Variants in CPNE4 observed in about 807,000 individuals in gnomAD.
CPNE4 encodes copine-4.
A neutral mutation model predicts 67.9 loss-of-function variants in CPNE4; 25 were observed. The ratio of observed to expected loss-of-function variants is 0.37; its 90% CI spans 0.27 to 0.51. CPNE4 has a LOEUF of 0.51. Among genes scored for constraint, CPNE4 ranks in the 20% least tolerant of loss-of-function variants. The pLI is 0.93. For synonymous variants in CPNE4, 242 were observed against 244.9 expected (o/e 0.99, Z 0.11); for missense variants, 464 against 690.8 (o/e 0.67, Z 3.68).
chr3:131,973,569 A>C (rs1560710346), intron 1 of CPNE4, among the ~76,000 whole-genome samples: 1 of 152,218 alleles, frequency 6.6e-6, no homozygotes, highest in South Asian at 2.1e-4. Flanking sequence ...AGAATCAAAA[A>C]GTTTAAGTAA....
intron 2 of CPNE4, among the ~76,000 whole-genome samples, chr3:131,877,664 A>T (rs1173367762): frequency 6.6e-6 from 1 of 152,234 alleles, no homozygotes; most frequent in African/African-American, 2.4e-5. Context: ...TAGTAATGAA[A>T]AAAATATGAC....
chr3:131,717,572 C>T (rs1015390727), intron 3 of CPNE4, among the ~76,000 whole-genome samples: 8 of 152,184 alleles, frequency 5.3e-5, no homozygotes, highest in African/African-American at 1.7e-4. Context: ...TCCTCACCCC[C>T]ATCCTGGGCA....
rs146192263 is a variant in CPNE4, at chr3:131,832,008, GC to G, written c.180+73255del. 9.6e-3 allele frequency among the ~76,000 whole-genome samples: 1,458 copies of G among 152,174 alleles called. 26 individuals are homozygous for G. The highest frequency in any genetic ancestry group is 0.034 in the African/African-American group (1,405 of 41,470). On this transcript the variant is annotated intron_variant, in intron 2 of 15. Transcript: ENST00000429747. ...CCCTTCTTGGTCAAAAAGATTCTTA[GC>G]TTTTAGTTTTAATGACCAAAATACT...
At chr3:131,880,267 G>A (rs950305372) in intron 2 of CPNE4, among the ~76,000 whole-genome samples, 1 of 151,534 alleles carries the variant, frequency 6.6e-6, no homozygotes, top group East Asian at 1.9e-4. Flanking sequence ...AGGCGCCCAC[G>A]ACCACGCCCG....
In CPNE4 at chr3:131,743,969, A is replaced by AAAAAAAAC. The variant is rs1244453698; in HGVS notation, c.181-20345_181-20344insGTTTTTTT. 6.7e-5 allele frequency among the ~76,000 whole-genome samples: 10 copies of AAAAAAAAC among 148,374 alleles called. No individual in the cohort carries two copies. The East Asian group carries it at 1.9e-3, about 29-fold the overall frequency. On this transcript the variant is annotated intron_variant, in intron 2 of 15. Coordinates refer to ENST00000429747, the MANE Select transcript of CPNE4 (RefSeq NM_130808.3). ...CAGAGCGAGACTCCGTCTCAAAAAA[A>AAAAAAAAC]AAAAAAAAAAAAAAACAATAAAAGC... is the stretch of plus-strand genomic sequence containing the variant.
chr3:132,019,033 T>C (rs1334370166), intron 1 of CPNE4, among the ~76,000 whole-genome samples: 1 of 152,240 alleles, frequency 6.6e-6, no homozygotes, highest in Non-Finnish European at 1.5e-5. Context: ...ACTCTGCAGC[T>C]GTTAATCACT....
At chr3:131,956,805 G>C (rs1205640492) in intron 1 of CPNE4, among the ~76,000 whole-genome samples, 2 of 152,086 alleles carry the variant, frequency 1.3e-5, no homozygotes, top group Non-Finnish European at 2.9e-5. Context: ...AGACATAGCA[G>C]TATATTCTAT....
intron 2 of CPNE4, among the ~76,000 whole-genome samples, chr3:131,733,638 G>A (rs1264852924): frequency 6.6e-6 from 1 of 152,132 alleles, no homozygotes; most frequent in Non-Finnish European, 1.5e-5. Flanking sequence ...TTGGGAGCAG[G>A]AAGGTGTTGG....
chr3:131,739,381 C>G lies in CPNE4; in HGVS notation c.181-15756G>C, dbSNP rs2082309230. Reference sequence around the variant, plus strand: ...ACTTCTTGCTCACAGAGAAAAGGCTCTCGTGTACATTTTCCCCTCTGTCCT... The same window carrying G: ...ACTTCTTGCTCACAGAGAAAAGGCTGTCGTGTACATTTTCCCCTCTGTCCT... On this transcript the variant is annotated intron_variant, in intron 2 of 15. Transcript: ENST00000429747. 2.6e-5 allele frequency among the ~76,000 whole-genome samples: 4 copies of G among 152,190 alleles called. No individual in the cohort carries two copies. In the South Asian group the frequency reaches 8.3e-4, roughly 32 times the overall value.
intron 2 of CPNE4, among the ~76,000 whole-genome samples, chr3:131,787,916 C>T (rs768284650): frequency 1.6e-4 from 24 of 151,796 alleles, no homozygotes; most frequent in Non-Finnish European, 2.9e-4. Context: ...GTCTAAGAAC[C>T]ACAGGAAAAA....
intron 12 of CPNE4, among the ~76,000 whole-genome samples, chr3:131,555,150 A>G (rs1416299540): frequency 1.3e-5 from 2 of 152,042 alleles, no homozygotes; most frequent in African/African-American, 4.8e-5. Flanking sequence ...GGCATTGCCA[A>G]TAGAATTCTA....
chr3:131,554,735 G>A (rs1420123970), intron 12 of CPNE4, among the ~76,000 whole-genome samples: 2 of 152,040 alleles, frequency 1.3e-5, no homozygotes, highest in Non-Finnish European at 2.9e-5. Context: ...GAGAAATTGA[G>A]GATTGGGCAG....
intron 7 of CPNE4, among the ~76,000 whole-genome samples, chr3:131,642,566 G>A (rs1177990953): frequency 6.6e-6 from 1 of 152,106 alleles, no homozygotes; most frequent in Admixed American, 6.5e-5. Context: ...CCACTCAAAT[G>A]TTATCTTGAA....
At chr3:132,021,519 G>A (rs1186464370) in intron 1 of CPNE4, among the ~76,000 whole-genome samples, 1 of 152,210 alleles carries the variant, frequency 6.6e-6, no homozygotes. Flanking sequence ...TGCACATCAT[G>A]TGGTCGCTGT....
At chr3:131,544,964 A>C (rs991155566) in intron 14 of CPNE4, among the ~76,000 whole-genome samples, 1 of 152,216 alleles carries the variant, frequency 6.6e-6, no homozygotes, top group African/African-American at 2.4e-5. Context: ...CCTGATAGTC[A>C]TACTACCACA....
At position 131,805,762 on chromosome 3, in the gene CPNE4, G is replaced by T. The variant is rs555995866; in HGVS notation, c.181-82137C>A. Reference sequence around the variant, plus strand: ...TCTAAGACAGATCTAGGGAGAAGGTGCAGCTCTTTCATTGCCTCACGAGTT... The same window carrying T: ...TCTAAGACAGATCTAGGGAGAAGGTTCAGCTCTTTCATTGCCTCACGAGTT... On this transcript the variant is annotated intron_variant, in intron 2 of 15. Coordinates refer to ENST00000429747, the MANE Select transcript of CPNE4 (RefSeq NM_130808.3). 3.3e-5 allele frequency among the ~76,000 whole-genome samples: 5 copies of T among 152,290 alleles called. No individual in the cohort carries two copies. In the East Asian group the frequency reaches 7.7e-4, roughly 24 times the overall value.
intron 2 of CPNE4, among the ~76,000 whole-genome samples, chr3:131,792,169 TA>T (rs2083742326): frequency 6.6e-6 from 1 of 152,134 alleles, no homozygotes; most frequent in Non-Finnish European, 1.5e-5. Flanking sequence ...TTGAAAAGTT[TA>T]TTCTTGCCCC....
chr3:131,687,369 C>T (rs1474442835), intron 5 of CPNE4, among the ~76,000 whole-genome samples: 1 of 152,082 alleles, frequency 6.6e-6, no homozygotes, highest in East Asian at 1.9e-4. Context: ...TTTAATAGTA[C>T]ATAGTGTTTA....
intron 3 of CPNE4, among the ~76,000 whole-genome samples, chr3:131,721,538 G>A (rs1167601529): frequency 6.6e-6 from 1 of 151,800 alleles, no homozygotes; most frequent in Non-Finnish European, 1.5e-5. Flanking sequence ...TGGGACTATA[G>A]GCACCTGCCA....
Sources: gnomAD v4.1 joint callset for allele counts (sites outside exome capture counted in the v4.1 genomes callset) on GRCh38, gnomAD v4.1.1 for gene constraint, MANE v1.5 for transcripts, NCBI Gene and HGNC (gene_info 2026-07-23, HGNC 2026-07-21) for gene names.